Variants in TULP1 observed in about 807,000 individuals in gnomAD.
TULP1 encodes tubby-related protein 1.
A neutral mutation model predicts 67.1 loss-of-function variants in TULP1; 50 were observed. The ratio of observed to expected loss-of-function variants is 0.75; its 90% CI spans 0.59 to 0.94. The LOEUF is 0.94. Ranked by LOEUF, TULP1 falls within the 40% of genes least tolerant of loss-of-function variation. TULP1 has a pLI of 0.00. For missense variants in TULP1, 746 were observed against 734.1 expected, an observed-to-expected ratio of 1.02 and a Z score of -0.19; for synonymous variants, 297 against 294.0, an observed-to-expected ratio of 1.01 and a Z score of -0.11.
intron 2 of TULP1, 52 bp from the exon 3 acceptor site, chr6:35,512,322 G>T: frequency 1.1e-6 from 1 of 927,670 alleles, no homozygotes; most frequent in Non-Finnish European, 1.6e-6. Context: ...GGGCGCTGAG[G>T]CCCGCCCATC....
At chr6:35,512,085 G>T in intron 3 of TULP1, 95 bp downstream of exon 3, 2 of 387,316 alleles carry the variant, frequency 5.2e-6, no homozygotes, top group South Asian at 1.0e-4. Flanking sequence ...CCCCCACCCC[G>T]TTCCAGGGCT....
rs1768729644 is a variant in TULP1, at chr6:35,497,894, A to T, written c.*433T>A. 4.7e-6 allele frequency: 1 copy of T among 210,930 alleles called. No homozygotes were observed. The highest frequency in any genetic ancestry group is 5.5e-5 in the Admixed American group (1 of 18,108). 13.1% of individuals were successfully genotyped at this position (210,930 alleles called of 1,614,324 possible). ...TCCGCTTGGCCAAGGACGCGGCTTTATTGGGGATGTGGGTGCCTGGCCCTC... is the reference window on the plus strand; with the variant it reads ...TCCGCTTGGCCAAGGACGCGGCTTTTTTGGGGATGTGGGTGCCTGGCCCTC... On this transcript the variant is annotated 3_prime_UTR_variant, in exon 15 of 15. Transcript: ENST00000229771.
Position 35,500,090 on chromosome 6 carries a change from G to T in TULP1, c.1386C>A (p.His462Gln), listed in dbSNP as rs767899721. The T allele has an allele frequency of 1.9e-6, 3 of 1,614,192 alleles. No homozygotes were observed. Among genetic ancestry groups the T allele is most frequent in the Non-Finnish European group, 2.5e-6 (3 of 1,180,034 alleles). ...CATCGTTCCAGACAGGTGGCTTGTT[G>T]TGCAGTTCTATGAGGCTCTCCAGCG... ...NKTLESLIELHNKPPVWNDDS... is the reference protein window; with the variant it reads ...NKTLESLIELQNKPPVWNDDS... The change falls in exon 14 of 15, where the codon CAC becomes CAA. Residue 462 changes from histidine (H) to glutamine (Q), a missense_variant. Physicochemically the swap from His to Gln is conservative, Grantham distance 24. This residue lies in a region of TULP1 where 383 missense variants were observed against 374.1 expected (regional missense o/e 1.02). Transcript: ENST00000229771.
chr6:35,504,787 T>C (rs2150924746), intron 11 of TULP1, among the ~76,000 whole-genome samples: 1 of 151,816 alleles, frequency 6.6e-6, no homozygotes, highest in Non-Finnish European at 1.5e-5. Flanking sequence ...AGGGTGGTCT[T>C]GATCTCCTGA....
At chr6:35,499,826 A>G (rs897902800) in intron 14 of TULP1, among the ~76,000 whole-genome samples, 155 bp downstream of exon 14, 1 of 152,194 alleles carries the variant, frequency 6.6e-6, no homozygotes, top group African/African-American at 2.4e-5. Flanking sequence ...GCACAGTGTC[A>G]GTGCCTATGG....
At chr6:35,499,663 G>A (rs180881426) in intron 14 of TULP1, among the ~76,000 whole-genome samples, 113 of 150,954 alleles carry the variant, frequency 7.5e-4, no homozygotes, top group African/African-American at 2.0e-3. Context: ...TGGGCTGTCC[G>A]TGGTTTTCAG....
rs121909073 is a variant in TULP1, at chr6:35,503,623, C to T, written c.1259G>A (p.Arg420His). Reference sequence around the variant, plus strand: ...CATGCCAGGAATGATGACGGTCATGCGCCGGGGGCCACGGAAGCCCAGCAC... The same window carrying T: ...CATGCCAGGAATGATGACGGTCATGTGCCGGGGGCCACGGAAGCCCAGCAC... The part of the protein sequence containing the change: ...TNVLGFRGPR[R>H]MTVIIPGMSA... The change falls in exon 13 of 15, where the codon CGC becomes CAC. Residue 420 changes from arginine (R) to histidine (H), a missense_variant. Coordinates refer to ENST00000229771, the MANE Select transcript of TULP1 (RefSeq NM_003322.6). This position sits in a 1 kb window ranked among gnomAD's most constrained non-coding sequence, Gnocchi z 4.0. 6 of 1,598,496 alleles carry T rather than the reference C, an allele frequency of 3.8e-6. No homozygotes were observed. Among genetic ancestry groups the T allele is most frequent in the South Asian group, 1.1e-5 (1 of 88,208 alleles).
intron 8 of TULP1, among the ~76,000 whole-genome samples, chr6:35,507,900 CACCTCCTGGGTTCAAGTG>C (rs1761116564): frequency 6.6e-6 from 1 of 152,176 alleles, no homozygotes; most frequent in South Asian, 2.1e-4. Context: ...CTGCAGCCTC[CACCTCCTGGGTTCAAGTG>C]ATTCTCCTGC....
chr6:35,510,412 ATC>A (rs1316778068), intron 5 of TULP1, among the ~76,000 whole-genome samples: 4 of 152,228 alleles, frequency 2.6e-5, no homozygotes, highest in Admixed American at 6.5e-5. Context: ...AGAGTGTGCT[ATC>A]TCTGCTTCAG....
chr6:35,507,418 C>T (rs1158909992), intron 8 of TULP1, among the ~76,000 whole-genome samples: 1 of 151,858 alleles, frequency 6.6e-6, no homozygotes, highest in African/African-American at 2.4e-5. Context: ...CTAAGCCACT[C>T]CTAGATTTCT....
intron 11 of TULP1, chr6:35,504,058 G>A (rs1482137638): frequency 3.7e-6 from 2 of 540,800 alleles, no homozygotes; most frequent in Non-Finnish European, 6.7e-6. Flanking sequence ...GCTCAAGCTT[G>A]TAATCCCAGC....
chr6:35,498,356 T>C lies in TULP1; in HGVS notation c.1600A>G (p.Ser534Gly), dbSNP rs371431040. 2.4e-5 allele frequency: 39 copies of C among 1,612,852 alleles called. No homozygotes were observed. Among genetic ancestry groups the C allele is most frequent in the Middle Eastern group, 1.6e-4 (1 of 6,070 alleles). Residue 534 changes from serine to glycine, a missense_variant, in exon 15 of 15, where the codon AGT (serine) becomes GGT (glycine). By Grantham distance (56) the Ser-to-Gly change is moderately conservative. Transcript: ENST00000229771. This position sits in a 1 kb window ranked among gnomAD's most constrained non-coding sequence, Gnocchi z 6.7. Reference protein sequence around the residue: ...ALQAFAIALSSFDGKLACE With the variant: ...ALQAFAIALSGFDGKLACE ...TCGCAGGCCAGCTTCCCGTCGAAAC[T>C]GGAGAGGGCGATGGCGAAGGCCTGC...
intron 2 of TULP1, 144 bp downstream of exon 2, chr6:35,512,495 G>C: frequency 8.9e-7 from 1 of 1,124,572 alleles, no homozygotes; most frequent in Non-Finnish European, 1.3e-6. Context: ...TCCCCAAACA[G>C]CCCTTTCTCC....
chr6:35,505,576 C>T (rs949844497), intron 11 of TULP1, 165 bp downstream of exon 11: 1 of 1,526,048 alleles, frequency 6.6e-7, no homozygotes, highest in African/African-American at 1.4e-5. Context: ...TTTTAACAAG[C>T]TCCCCACATG....
In TULP1 at chr6:35,509,889, C is replaced by T. The variant is rs146004382; in HGVS notation, c.539G>A (p.Arg180His). The change falls in exon 6 of 15, where the codon CGT (arginine) becomes CAT (histidine). Residue 180 changes from arginine (R) to histidine (H), a missense_variant. By Grantham distance (29) the Arg-to-His change is conservative. This residue lies in a region of TULP1 where 359 missense variants were observed against 341.9 expected (regional missense o/e 1.05). Coordinates refer to ENST00000229771, the MANE Select transcript of TULP1 (RefSeq NM_003322.6). ...GSPDPPPKPL[R>H]VRNKEAPAGE... ...TGCTGGAGCTTCCTTATTCCTAACA[C>T]GCAGAGGTTTCGGTGGGGGGTCAGG... 75 of 1,613,968 alleles carry T rather than the reference C, an allele frequency of 4.6e-5. No homozygotes were observed. The Admixed American group carries it at 5.5e-4, about 12-fold the overall frequency.
chr6:35,512,182 C>T lies in TULP1; in HGVS notation c.188G>A (p.Gly63Glu). 2 of 1,350,296 alleles carry T rather than the reference C, an allele frequency of 1.5e-6. No homozygotes were observed. The highest frequency in any genetic ancestry group is 1.5e-5 in the African/African-American group (1 of 67,162). The allele number at this position is 1,350,296 out of a possible 1,614,324, so 83.6% of individuals were successfully genotyped here. A position where few individuals can be genotyped will look rare whatever the true frequency, so the allele number is the denominator to read the frequency against. The change falls in exon 3 of 15, where the codon GGA (glycine) becomes GAA (glutamate). Residue 63 changes from glycine (G) to glutamate (E), a missense_variant and splice_region_variant. Gly to Glu is a moderately conservative substitution (Grantham distance 98). Around this residue, in one of 3 missense-constraint regions of TULP1, gnomAD observed 359 missense variants for 341.9 expected, o/e 1.05. Coordinates refer to ENST00000229771, the MANE Select transcript of TULP1 (RefSeq NM_003322.6). ...CPTGSKPRKP[G>E]AGRTGRPREE... ...CCCGGGCTCTGCACCCCGCCCACCT[C>T]CGGGCTTCCGGGGCTTGGATCCCGT...
In TULP1 at chr6:35,498,529, C is replaced by A; in HGVS notation, c.1496-69G>T. ...GACCCCCATCCTGGCAGACAGTGCC[C>A]TCAACCTTGGGGGCAGTCTGTCCCT... On this transcript the variant is annotated intron_variant, in intron 14 of 14. Transcript: ENST00000229771. The surrounding 1 kb of genome is among the most constrained non-coding windows in gnomAD (Gnocchi z 6.7). 6.2e-7 allele frequency: 1 copy of A among 1,606,822 alleles called. No homozygotes were observed.
intron 4 of TULP1, among the ~76,000 whole-genome samples, chr6:35,511,289 C>T (rs1761195913): frequency 6.6e-6 from 1 of 152,174 alleles, no homozygotes; most frequent in African/African-American, 2.4e-5. Flanking sequence ...CTTACACGCT[C>T]GCCTTGCCTC....
chr6:35,498,536 T>C lies in TULP1; in HGVS notation c.1496-76A>G. 6.2e-7 allele frequency: 1 copy of C among 1,601,882 alleles called. No individual in the cohort carries two copies. Among genetic ancestry groups the C allele is most frequent in the Non-Finnish European group, 8.5e-7 (1 of 1,174,906 alleles). ...ATCCTGGCAGACAGTGCCCTCAACC[T>C]TGGGGGCAGTCTGTCCCTTGCCTTG... On this transcript the variant is annotated intron_variant, in intron 14 of 14. Coordinates refer to ENST00000229771, the MANE Select transcript of TULP1 (RefSeq NM_003322.6). The surrounding 1 kb of genome is among the most constrained non-coding windows in gnomAD (Gnocchi z 6.7).
Sources: gnomAD v4.1 joint callset for allele counts (sites outside exome capture counted in the v4.1 genomes callset) on GRCh38, gnomAD v4.1.1 for gene constraint, gnomAD v4.1.1 regional missense constraint, Gnocchi (gnomAD v3.1) non-coding constraint, MANE v1.5 for transcripts, NCBI Gene and HGNC (gene_info 2026-07-23, HGNC 2026-07-21) for gene names.